USH2A: variants seen among roughly 807,000 people sequenced by gnomAD.
The protein encoded by USH2A is Usher syndrome 2A (autosomal recessive, mild).
In USH2A, 443 loss-of-function variants were observed where a neutral mutation model predicts 538.9. The ratio of observed to expected loss-of-function variants is 0.82; its 90% CI spans 0.76 to 0.89. The LOEUF is 0.89. USH2A is among the 40% of genes least tolerant of loss of function. The probability of loss-of-function intolerance (pLI) is 0.00; values close to 1 mark genes in which losing one functional copy is unlikely to be tolerated. For synonymous variants in USH2A, 2,413 were observed against 2,273.5 expected, an observed-to-expected ratio of 1.06 and a Z score of -1.75; for missense variants, 6,633 against 6,324.8, an observed-to-expected ratio of 1.05 and a Z score of -1.65.
At position 215,671,130 on chromosome 1, in the gene USH2A, C is replaced by T; in HGVS notation, c.13975G>A (p.Gly4659Arg). The T allele has an allele frequency of 6.2e-7, 1 of 1,614,062 alleles. No homozygotes were observed. The highest frequency in any genetic ancestry group is 1.3e-5 in the African/African-American group (1 of 74,976). ...FQPTVSLLWT[G>R]PLQPNGKVLY... is the part of the protein sequence containing the mutation. ...ACTTTTCCATTTGGCTGCAGCGGTC[C>T]TGTCCACAAAAGAGAAACAGTTGGC... is the stretch of plus-strand genomic sequence containing the variant. Residue 4659 changes from glycine to arginine, a missense_variant, in exon 64 of 72, where the codon GGA becomes AGA. Coordinates refer to ENST00000307340, the MANE Select transcript of USH2A (RefSeq NM_206933.4).
chr1:215,886,401 A>T (rs184056906), intron 41 of USH2A, among the ~76,000 whole-genome samples: 40 of 152,284 alleles, frequency 2.6e-4, no homozygotes, highest in African/African-American at 9.6e-4. Context: ...GTGAGCCAAT[A>T]ATACTGAAGG....
At chr1:216,130,099 A>T (rs2033338352) in intron 21 of USH2A, among the ~76,000 whole-genome samples, 1 of 152,074 alleles carries the variant, frequency 6.6e-6, no homozygotes, top group South Asian at 2.1e-4. Flanking sequence ...AGAAAGTATG[A>T]AACTACTAGA....
intron 19 of USH2A, among the ~76,000 whole-genome samples, chr1:216,192,772 C>G (rs1324333245): frequency 6.6e-6 from 1 of 152,020 alleles, no homozygotes; most frequent in Non-Finnish European, 1.5e-5. Context: ...CCATAAGGAA[C>G]AGCCTTTTAA....
intron 14 of USH2A, among the ~76,000 whole-genome samples, chr1:216,220,874 A>T (rs2035444947): frequency 6.6e-6 from 1 of 152,176 alleles, no homozygotes; most frequent in Admixed American, 6.5e-5. Flanking sequence ...AATGGGGATG[A>T]TGAAGACATC....
At chr1:215,909,438 T>C (rs140250738) in intron 38 of USH2A, among the ~76,000 whole-genome samples, 86 of 152,020 alleles carry the variant, frequency 5.7e-4, no homozygotes, top group African/African-American at 2.0e-3. Flanking sequence ...TAGTGTATAC[T>C]ATGGACTTTG....
intron 6 of USH2A, 139 bp downstream of exon 6, chr1:216,325,166 C>T (rs1053476671): frequency 9.9e-7 from 1 of 1,013,312 alleles, no homozygotes; most frequent in Non-Finnish European, 1.5e-6. Flanking sequence ...GAATGTAGCC[C>T]TGCCAACATG....
At chr1:215,898,064 G>T (rs922991637) in intron 40 of USH2A, among the ~76,000 whole-genome samples, 7 of 152,166 alleles carry the variant, frequency 4.6e-5, no homozygotes, top group Non-Finnish European at 1.0e-4. Context: ...CATGTCTCAG[G>T]TGCACTGCTA....
At chr1:215,952,022 GC>G (rs1282287062) in intron 37 of USH2A, among the ~76,000 whole-genome samples, 3 of 150,502 alleles carry the variant, frequency 2.0e-5, no homozygotes, top group Non-Finnish European at 4.4e-5. Context: ...CCGCCACCGC[GC>G]CCGGCTAATT....
chr1:216,003,444 G>A (rs73092677), intron 32 of USH2A, among the ~76,000 whole-genome samples: 2,095 of 152,230 alleles, frequency 0.014, 43 homozygotes, highest in African/African-American at 0.047. Flanking sequence ...GAAGTTCTGG[G>A]TAATTTTAAT....
intron 42 of USH2A, 66 bp from the exon 43 acceptor site, chr1:215,877,946 G>T: frequency 6.2e-7 from 1 of 1,607,830 alleles, no homozygotes; most frequent in Admixed American, 1.7e-5. Flanking sequence ...CCAAAACTCA[G>T]GCTGTTCTGT....
intron 44 of USH2A, among the ~76,000 whole-genome samples, chr1:215,856,832 GGTGTGTGTGTGTGTGT>G (rs71159889): frequency 2.3e-3 from 325 of 141,996 alleles, no homozygotes; most frequent in South Asian, 4.6e-3. Context: ...AAAAAAATTT[GGTGTGTGTGTGTGTGT>G]GTGTGTGTGT....
intron 60 of USH2A, among the ~76,000 whole-genome samples, chr1:215,740,320 C>T (rs1660266768): frequency 6.6e-6 from 1 of 152,166 alleles, no homozygotes; most frequent in South Asian, 2.1e-4. Context: ...AAATATCCTT[C>T]AAACCAAAAT....
chr1:216,091,568 A>C (rs2032302581), intron 22 of USH2A, among the ~76,000 whole-genome samples: 1 of 152,234 alleles, frequency 6.6e-6, no homozygotes, highest in Non-Finnish European at 1.5e-5. Flanking sequence ...ACTATGAAGA[A>C]TCTCCCTTTC....
intron 35 of USH2A, among the ~76,000 whole-genome samples, chr1:215,972,028 C>T (rs1042511043): frequency 4.6e-5 from 7 of 152,050 alleles, no homozygotes; most frequent in Non-Finnish European, 8.8e-5. Flanking sequence ...GTGTGAATGC[C>T]GAGTAGCTAA....
At chr1:216,127,921 G>T (rs2033288165) in intron 21 of USH2A, among the ~76,000 whole-genome samples, 1 of 152,140 alleles carries the variant, frequency 6.6e-6, no homozygotes, top group Admixed American at 6.6e-5. Context: ...AGTAAAAGAT[G>T]CTGATTAGAA....
intron 11 of USH2A, among the ~76,000 whole-genome samples, chr1:216,265,091 A>G (rs1335291515): frequency 1.3e-5 from 2 of 152,052 alleles, no homozygotes; most frequent in Non-Finnish European, 2.9e-5. Flanking sequence ...CAGAATGGAA[A>G]AATACTTGCA....
At position 215,814,613 on chromosome 1, in the gene USH2A, C is replaced by T. The variant is rs562794155; in HGVS notation, c.9571-709G>A. Among the ~76,000 whole-genome samples, 7 of 152,136 alleles carry T rather than the reference C, an allele frequency of 4.6e-5. No individual in the cohort carries two copies. In the South Asian group the frequency reaches 1.0e-3, roughly 23 times the overall value. Reference sequence around the variant, plus strand: ...AAAAGAGTGTGGCAGCTCTCCCCTTCGCTCTCTCTCCCTCCTGCCATCACA... The same window carrying T: ...AAAAGAGTGTGGCAGCTCTCCCCTTTGCTCTCTCTCCCTCCTGCCATCACA... On this transcript the variant is annotated intron_variant, in intron 48 of 71. Transcript: ENST00000307340.
chr1:215,979,241 A>G (rs1406118001), intron 35 of USH2A, among the ~76,000 whole-genome samples: 1 of 152,154 alleles, frequency 6.6e-6, no homozygotes, highest in Non-Finnish European at 1.5e-5. Flanking sequence ...CCCATAGTTC[A>G]ATTACTTCCC....
Position 215,650,627 on chromosome 1 carries a change from G to A in USH2A, c.14308C>T (p.Leu4770=), listed in dbSNP as rs752654858. 1 of 1,614,196 alleles carries A rather than the reference G, an allele frequency of 6.2e-7. No homozygotes were observed. The highest frequency in any genetic ancestry group is 8.5e-7 in the Non-Finnish European group (1 of 1,180,042). ...KPNGIVSLYR[L]FSSSAHGAET... is the part of the protein sequence containing the mutation. ...GCCCCATGGGCGCTGCTGGAGAACAGCCTGTAGAGACTGACGATCCCGTTG... is the reference window on the plus strand; with the variant it reads ...GCCCCATGGGCGCTGCTGGAGAACAACCTGTAGAGACTGACGATCCCGTTG... The change falls in exon 65 of 72, where the codon CTG becomes TTG. Residue 4770 remains leucine (L), a synonymous_variant. Coordinates refer to ENST00000307340, the MANE Select transcript of USH2A (RefSeq NM_206933.4).
Sources: allele counts gnomAD v4.1 joint callset (sites outside exome capture counted in the v4.1 genomes callset), GRCh38; gene constraint gnomAD v4.1.1; transcripts MANE v1.5; gene names NCBI Gene and HGNC (gene_info 2026-07-23, HGNC 2026-07-21).